Variants in UNG observed in about 807,000 individuals in gnomAD.
UNG encodes the protein uracil-DNA glycosylase.
In UNG, 34 loss-of-function variants were observed where a neutral mutation model predicts 36.5. That is an observed-to-expected ratio of 0.93 (90% CI 0.71 to 1.24). The LOEUF is 1.24. UNG is among the 50% of genes most tolerant of loss of function. The pLI, the probability that UNG is intolerant of heterozygous loss-of-function variation, is 0.00. For missense variants in UNG, 391 were observed against 397.6 expected, an observed-to-expected ratio of 0.98 and a Z score of 0.14; for synonymous variants, 172 against 157.8, an observed-to-expected ratio of 1.09 and a Z score of -0.67.
intron 2 of UNG, 60 bp from the exon 3 acceptor site, chr12:109,099,129 T>A: frequency 6.7e-7 from 1 of 1,487,730 alleles, no homozygotes; most frequent in Non-Finnish European, 9.4e-7. Context: ...AGCTTTCTTA[T>A]TGAATTCTTA....
At chr12:109,106,907 A>ATATATATATATATACG (rs2042220642) in intron 6 of UNG, among the ~76,000 whole-genome samples, 1 of 29,688 alleles carries the variant, frequency 3.4e-5, no homozygotes, top group African/African-American at 4.1e-4. Context: ...ATATATACGT[A>ATATATATATATATACG]TATATATATG....
chr12:109,101,241 C>T lies in UNG; in HGVS notation c.436-661C>T, dbSNP rs143280617. Among the ~76,000 whole-genome samples, 784 of 150,652 alleles carry T rather than the reference C, an allele frequency of 5.2e-3. 6 individuals carry two copies. Among genetic ancestry groups the T allele is most frequent in the African/African-American group, 0.018 (737 of 41,028 alleles). On this transcript the variant is annotated intron_variant, in intron 3 of 6. Transcript: ENST00000242576. ...CCGAGTAGCTGGGACTACAGGTGTG[C>T]GCCACCACACCCAGCTAATTTTTGT...
chr12:109,108,458 C>A (rs1242797536), intron 6 of UNG, among the ~76,000 whole-genome samples: 4 of 151,986 alleles, frequency 2.6e-5, no homozygotes, highest in Non-Finnish European at 5.9e-5. Flanking sequence ...CATAGTGAGA[C>A]CTTGTCTCTA....
At chr12:109,103,367 C>A in intron 5 of UNG, 66 bp from the exon 6 acceptor site, 2 of 1,459,612 alleles carry the variant, frequency 1.4e-6, no homozygotes, top group Non-Finnish European at 1.9e-6. Flanking sequence ...GGATTTAGCT[C>A]CTGTTGCTGG....
chr12:109,106,919 GTA>G (rs140915089), intron 6 of UNG, among the ~76,000 whole-genome samples: 99 of 3,858 alleles, frequency 0.026, 10 homozygotes, highest in African/African-American at 0.038. Context: ...ATATATATGT[GTA>G]TATATATATA....
At chr12:109,108,371 C>T (rs567248701) in intron 6 of UNG, among the ~76,000 whole-genome samples, 6 of 152,016 alleles carry the variant, frequency 3.9e-5, no homozygotes, top group Non-Finnish European at 8.8e-5. Flanking sequence ...CAGTGGCTCA[C>T]GCCTGTAATC....
intron 6 of UNG, among the ~76,000 whole-genome samples, chr12:109,104,055 G>GTTTTTTGTTTTTTTTTTTTTTTTTTTTTT (rs113097970): frequency 6.8e-6 from 1 of 148,140 alleles, no homozygotes; most frequent in African/African-American, 2.6e-5. Context: ...TTGTTTCTGG[G>GTTTTTTGTTTTTTTTTTTTTTTTTTTTTT]TTTTTTGTTT....
At position 109,106,904 on chromosome 12, in the gene UNG, C is replaced by CGT. The variant is rs1555265225; in HGVS notation, c.802-2924_802-2923dup. ...ATATATATATACACATATATATATA[C>CGT]GTATATATATATGTGTATATATATA... On this transcript the variant is annotated intron_variant, in intron 6 of 6. Transcript: ENST00000242576. 4.9e-3 allele frequency among the ~76,000 whole-genome samples: 305 copies of CGT among 61,718 alleles called. 23 individuals carry two copies. Among genetic ancestry groups the CGT allele is most frequent in the African/African-American group, 0.021 (188 of 9,080 alleles). The allele number at this position is 61,718 out of a possible 152,430, so 40.5% of individuals were successfully genotyped here.
At chr12:109,109,482 G>GA (rs765992796) in intron 6 of UNG, among the ~76,000 whole-genome samples, 120 of 147,122 alleles carry the variant, frequency 8.2e-4, no homozygotes, top group African/African-American at 1.8e-3. Context: ...TCCTTTTTGG[G>GA]GAAAAAAAAA....
rs1811692579 is a variant in UNG at position 109,097,830 on chromosome 12, C to T, written c.132+19C>T. On this transcript the variant is annotated intron_variant, in intron 1 of 6. Coordinates refer to ENST00000242576, the MANE Select transcript of UNG (RefSeq NM_080911.3). Reference sequence around the variant, plus strand: ...TGCGGCGGTGAGGCGCGGCTTGGGCCGGGGCTAGGGGGTGAAGGGGGAGGA... The same window carrying T: ...TGCGGCGGTGAGGCGCGGCTTGGGCTGGGGCTAGGGGGTGAAGGGGGAGGA... 4.6e-6 allele frequency: 7 copies of T among 1,530,698 alleles called. No homozygotes were observed. The highest frequency in any genetic ancestry group is 1.8e-6 in the Non-Finnish European group (2 of 1,136,428). 94.8% of individuals were successfully genotyped at this position (1,530,698 alleles called of 1,614,324 possible).
At chr12:109,098,774 G>A (rs576701235) in intron 2 of UNG, 136 bp downstream of exon 2, 5 of 1,174,044 alleles carry the variant, frequency 4.3e-6, no homozygotes, top group East Asian at 2.5e-5. Context: ...ACTCACAAAG[G>A]GGGTAAAAGA....
rs1421255432 is a variant in UNG, at chr12:109,102,819, T to C, written c.534-20T>C. ...ATGCTTAAGATTCTGTTTTTTGTTT[T>C]TCTTGTGGCTTGCTTTCAGTTTGGA... On this transcript the variant is annotated intron_variant, in intron 4 of 6. Transcript: ENST00000242576. 1 of 1,598,578 alleles carries C rather than the reference T, an allele frequency of 6.3e-7. No individual in the cohort carries two copies. The highest frequency in any genetic ancestry group is 1.7e-5 in the Admixed American group (1 of 59,988).
intron 2 of UNG, 33 bp downstream of exon 2, chr12:109,098,671 A>C (rs1287514322): frequency 6.2e-7 from 1 of 1,612,844 alleles, no homozygotes; most frequent in Non-Finnish European, 8.5e-7. Flanking sequence ...CATAAGGGTA[A>C]ATGTGGAGGC....
rs544298353 is a variant in UNG at position 109,106,888 on chromosome 12, T to C, written c.802-2941T>C. ...CTCAAAAAAAAAACATATATATATA[T>C]ACACATATATATATACGTATATATA... On this transcript the variant is annotated intron_variant, in intron 6 of 6. Transcript: ENST00000242576. Among the ~76,000 whole-genome samples the C allele has an allele frequency of 1.8e-3, 198 of 110,842 alleles. 5 individuals carry two copies. Among genetic ancestry groups the C allele is most frequent in the African/African-American group, 7.8e-3 (177 of 22,594 alleles). 72.7% of individuals were successfully genotyped at this position (110,842 alleles called of 152,430 possible). A position where few individuals can be genotyped will look rare whatever the true frequency, so the allele number is the denominator to read the frequency against.
At chr12:109,098,115 G>T in intron 1 of UNG, 3 of 1,379,544 alleles carry the variant, frequency 2.2e-6, no homozygotes, top group Non-Finnish European at 2.8e-6. Context: ...GTTTTTTGCC[G>T]CGAAAAGACC....
intron 4 of UNG, among the ~76,000 whole-genome samples, chr12:109,102,316 A>G (rs2042184215): frequency 6.6e-6 from 1 of 152,180 alleles, no homozygotes; most frequent in African/African-American, 2.4e-5. Context: ...CCCCTGGTTA[A>G]GAACCACTGC....
chr12:109,106,927 A>ACACATATATATATACG (rs2042221810), intron 6 of UNG, among the ~76,000 whole-genome samples: 1 of 131,530 alleles, frequency 7.6e-6, no homozygotes, highest in Non-Finnish European at 1.6e-5. Context: ...GTGTATATAT[A>ACACATATATATATACG]TATATATAAA....
Position 109,110,580 on chromosome 12 carries a change from C to G in UNG, c.*611C>G, listed in dbSNP as rs886048911. ...CTGTGAGCTTTATCAGATAAGAGAC[C>G]GAGAGAAGTAAGCTGGGTCTTGTTA... On this transcript the variant is annotated 3_prime_UTR_variant, in exon 7 of 7. Coordinates refer to ENST00000242576, the MANE Select transcript of UNG (RefSeq NM_080911.3). 1.3e-5 allele frequency: 2 copies of G among 153,930 alleles called. No individual in the cohort carries two copies. Among genetic ancestry groups the G allele is most frequent in the South Asian group, 4.0e-4 (2 of 5,006 alleles). The allele number at this position is 153,930 out of a possible 1,614,324, so 9.5% of individuals were successfully genotyped here. A position where few individuals can be genotyped will look rare whatever the true frequency, so the allele number is the denominator to read the frequency against.
In UNG at chr12:109,101,888, C is replaced by T. The variant is rs753892861; in HGVS notation, c.436-14C>T. ...TACAGTATTGTTTAATTCCTGACCC[C>T]TGGTGGTTCACAGGTGAAGGTTGTC... On this transcript the variant is annotated splice_polypyrimidine_tract_variant and intron_variant, in intron 3 of 6. Coordinates refer to ENST00000242576, the MANE Select transcript of UNG (RefSeq NM_080911.3). 4.3e-6 allele frequency: 7 copies of T among 1,611,892 alleles called. No individual in the cohort carries two copies. Among genetic ancestry groups the T allele is most frequent in the African/African-American group, 1.3e-5 (1 of 74,986 alleles).
Sources: allele counts gnomAD v4.1 joint callset (sites outside exome capture counted in the v4.1 genomes callset), GRCh38; gene constraint gnomAD v4.1.1; transcripts MANE v1.5; gene names NCBI Gene and HGNC (gene_info 2026-07-23, HGNC 2026-07-21).